Variants in EXOC4 observed in about 807,000 individuals in gnomAD.
EXOC4 encodes the protein SEC8-like 1.
Under a neutral mutation model 107.2 loss-of-function variants are expected in EXOC4, and 71 were observed. The observed-to-expected ratio is 0.66, with a 90% CI of 0.55 to 0.81. EXOC4 has a LOEUF of 0.81. Ranked by LOEUF, EXOC4 falls within the 30% of genes least tolerant of loss-of-function variation. EXOC4 has a pLI of 0.00. For synonymous variants in EXOC4, 456 were observed against 441.2 expected (o/e 1.03, Z -0.42); for missense variants, 1,108 against 1,189.6 (o/e 0.93, Z 1.01).
At position 133,760,697 on chromosome 7, in the gene EXOC4, G is replaced by A. The variant is rs1315999461; in HGVS notation, c.1515-56628G>A. Among the ~76,000 whole-genome samples, 4 of 150,654 alleles carry A rather than the reference G, an allele frequency of 2.7e-5. No homozygotes were observed. In the East Asian group the frequency reaches 5.8e-4, roughly 22 times the overall value. The stretch of plus-strand genomic sequence containing the variant: ...CCCAGGTCTCCTGGTTTTCATCTCC[G>A]TATTGTTTTCACTATATTATAAAAC... On this transcript the variant is annotated intron_variant, in intron 10 of 17. Transcript: ENST00000253861.
chr7:133,568,729 G>A (rs1800959128), intron 9 of EXOC4, among the ~76,000 whole-genome samples: 1 of 152,122 alleles, frequency 6.6e-6, no homozygotes, highest in Non-Finnish European at 1.5e-5. Flanking sequence ...AAGTGTTATG[G>A]TAGAGATGTT....
chr7:133,938,987 C>T (rs1030576292), intron 14 of EXOC4, among the ~76,000 whole-genome samples: 27 of 152,042 alleles, frequency 1.8e-4, no homozygotes, highest in South Asian at 6.2e-4. Flanking sequence ...TGGGCTCAAG[C>T]GATCCACCTG....
At chr7:133,869,319 G>A (rs937661182) in intron 11 of EXOC4, among the ~76,000 whole-genome samples, 1 of 152,026 alleles carries the variant, frequency 6.6e-6, no homozygotes, top group Non-Finnish European at 1.5e-5. Context: ...AGGCCTTGGG[G>A]TAGGACCAGC....
At chr7:133,751,629 G>A (rs561459833) in intron 10 of EXOC4, among the ~76,000 whole-genome samples, 12 of 152,170 alleles carry the variant, frequency 7.9e-5, no homozygotes, top group African/African-American at 2.9e-4. Context: ...TTGGGTGTTT[G>A]TTCTTTGTTG....
chr7:133,613,094 T>TA (rs918114146), intron 9 of EXOC4, among the ~76,000 whole-genome samples: 3 of 152,032 alleles, frequency 2.0e-5, no homozygotes, highest in East Asian at 1.9e-4. Flanking sequence ...TCAGAAAAAT[T>TA]AAAAAAAGAT....
At chr7:133,316,425 C>T (rs1426117317) in intron 4 of EXOC4, among the ~76,000 whole-genome samples, 3 of 152,118 alleles carry the variant, frequency 2.0e-5, no homozygotes, top group South Asian at 2.1e-4. Context: ...GATTTGGCTT[C>T]GAGGGGCTCT....
At chr7:133,660,672 T>A (rs1035291365) in intron 10 of EXOC4, among the ~76,000 whole-genome samples, 3 of 152,160 alleles carry the variant, frequency 2.0e-5, no homozygotes, top group African/African-American at 7.2e-5. Context: ...CTTATCTTTT[T>A]AAAAAAATTA....
intron 10 of EXOC4, among the ~76,000 whole-genome samples, chr7:133,690,523 TGA>T (rs1794396930): frequency 6.6e-6 from 1 of 152,190 alleles, no homozygotes; most frequent in African/African-American, 2.4e-5. Context: ...GGCTTTTTCC[TGA>T]GAGGGGCAGC....
intron 11 of EXOC4, among the ~76,000 whole-genome samples, chr7:133,818,703 G>A (rs1057174565): frequency 3.9e-5 from 6 of 152,008 alleles, no homozygotes; most frequent in Admixed American, 6.6e-5. Context: ...TATCTCTTCC[G>A]GCTCTTTGCA....
intron 13 of EXOC4, among the ~76,000 whole-genome samples, chr7:133,918,767 A>G (rs1799870456): frequency 6.6e-6 from 1 of 152,218 alleles, no homozygotes; most frequent in Non-Finnish European, 1.5e-5. Context: ...TAGAAAAACA[A>G]TGGTGGTAAT....
chr7:133,530,400 C>T (rs1800159489), intron 9 of EXOC4, among the ~76,000 whole-genome samples: 2 of 152,152 alleles, frequency 1.3e-5, no homozygotes, highest in Middle Eastern at 3.2e-3. Context: ...TACTACACAC[C>T]TAGGCTACAT....
chr7:133,825,861 G>T (rs1563016089), intron 11 of EXOC4, among the ~76,000 whole-genome samples: 2 of 152,080 alleles, frequency 1.3e-5, no homozygotes, highest in Admixed American at 6.5e-5. Context: ...CCCCCTGTAA[G>T]CTCTGAGAGA....
At chr7:134,066,788 A>G (rs1173277472), downstream of EXOC4, among the ~76,000 whole-genome samples, 1 of 152,166 alleles carries the variant, frequency 6.6e-6, no homozygotes, top group African/African-American at 2.4e-5. Flanking sequence ...GACAGGGCCC[A>G]CGAAACACAT....
At chr7:133,881,572 T>C (rs188205839) in intron 11 of EXOC4, among the ~76,000 whole-genome samples, 2 of 152,290 alleles carry the variant, frequency 1.3e-5, no homozygotes, top group Admixed American at 1.3e-4. Context: ...ATTGTCCTTA[T>C]TCGTGAACTT....
intron 6 of EXOC4, among the ~76,000 whole-genome samples, chr7:133,370,455 T>G (rs1261321417): frequency 1.3e-5 from 2 of 152,106 alleles, no homozygotes; most frequent in Admixed American, 1.3e-4. Flanking sequence ...AACAGTTGCA[T>G]TCTTTTGAGT....
At chr7:133,880,856 GT>G (rs1407612575) in intron 11 of EXOC4, among the ~76,000 whole-genome samples, 1 of 152,006 alleles carries the variant, frequency 6.6e-6, no homozygotes, top group Non-Finnish European at 1.5e-5. Context: ...CATTTTCCAT[GT>G]TTTTATTGGC....
At chr7:133,747,904 C>G (rs1266653807) in intron 10 of EXOC4, among the ~76,000 whole-genome samples, 1 of 152,108 alleles carries the variant, frequency 6.6e-6, no homozygotes, top group Non-Finnish European at 1.5e-5. Flanking sequence ...TCTTGCCTAT[C>G]CGTACCATCA....
chr7:134,076,244 G>A, the EXOC4 span, among the ~76,000 whole-genome samples: 876 of 152,182 alleles, frequency 5.8e-3, 13 homozygotes, highest in African/African-American at 0.02. Flanking sequence ...AAGGCTGGGC[G>A]CAGTGGCTCA....
At chr7:133,484,300 G>T (rs1584952249) in intron 9 of EXOC4, 1 of 838,620 alleles carries the variant, frequency 1.2e-6, no homozygotes, top group South Asian at 2.3e-5. Context: ...CTGCGGAGAT[G>T]TGGGTGCTGC....
Sources: allele counts gnomAD v4.1 joint callset (sites outside exome capture counted in the v4.1 genomes callset), GRCh38; gene constraint gnomAD v4.1.1; transcripts MANE v1.5; gene names NCBI Gene and HGNC (gene_info 2026-07-23, HGNC 2026-07-21).